The following TBC1D22B variants were observed in gnomAD, a reference collection of about 807,000 sequenced individuals.
TBC1D22B encodes chromosome 6 open reading frame 197.
Under a neutral mutation model 69.1 loss-of-function variants are expected in TBC1D22B, and 32 were observed. The ratio of observed to expected loss-of-function variants is 0.46; its 90% CI spans 0.35 to 0.62. The LOEUF (loss-of-function observed/expected upper bound fraction) is 0.62, where lower values mean the gene tolerates loss of function less well. TBC1D22B is among the 20% of genes least tolerant of loss of function. TBC1D22B has a pLI of 0.00. For synonymous variants in TBC1D22B, 206 were observed against 229.8 expected (o/e 0.90, Z 0.94); for missense variants, 462 against 630.9 (o/e 0.73, Z 2.87).
At chr6:37,289,852 G>C (rs1470394018) in intron 7 of TBC1D22B, among the ~76,000 whole-genome samples, 3 of 152,110 alleles carry the variant, frequency 2.0e-5, no homozygotes, top group African/African-American at 4.8e-5. Flanking sequence ...TAGAGTGTTG[G>C]GCCGAATGCA....
At chr6:37,313,323 C>T (rs2113781403) in intron 9 of TBC1D22B, among the ~76,000 whole-genome samples, 1 of 152,194 alleles carries the variant, frequency 6.6e-6, no homozygotes, top group Non-Finnish European at 1.5e-5. Context: ...GACCCCTTCT[C>T]TACAAAAAAT....
intron 8 of TBC1D22B, among the ~76,000 whole-genome samples, chr6:37,298,263 T>C (rs1423653567): frequency 6.6e-6 from 1 of 152,204 alleles, no homozygotes; most frequent in Non-Finnish European, 1.5e-5. Context: ...ATAACTACAG[T>C]TGTTAACCTC....
chr6:37,319,775 G>A (rs1253154386), intron 12 of TBC1D22B, among the ~76,000 whole-genome samples: 1 of 152,248 alleles, frequency 6.6e-6, no homozygotes, highest in Non-Finnish European at 1.5e-5. Flanking sequence ...AAGAAAATGT[G>A]CCTGGGTGTT....
chr6:37,272,091 A>G (rs1470910504), intron 2 of TBC1D22B, among the ~76,000 whole-genome samples: 1 of 151,096 alleles, frequency 6.6e-6, no homozygotes, highest in African/African-American at 2.4e-5. Flanking sequence ...TTCTTTTGAG[A>G]TAGGGTCGCT....
chr6:37,268,137 T>A (rs1766364075), intron 1 of TBC1D22B, among the ~76,000 whole-genome samples: 1 of 152,216 alleles, frequency 6.6e-6, no homozygotes, highest in Admixed American at 6.5e-5. Flanking sequence ...TTTCCCTGAG[T>A]TCTTACATGT....
intron 8 of TBC1D22B, among the ~76,000 whole-genome samples, chr6:37,297,794 C>G (rs895443439): frequency 6.6e-6 from 1 of 152,118 alleles, no homozygotes; most frequent in African/African-American, 2.4e-5. Flanking sequence ...TGGAACCAAC[C>G]CAAATGCCCA....
chr6:37,259,780 G>A (rs775389870), intron 1 of TBC1D22B, among the ~76,000 whole-genome samples: 6 of 152,054 alleles, frequency 3.9e-5, no homozygotes, highest in Admixed American at 6.6e-5. Flanking sequence ...AATCTTTCTA[G>A]GCCTCAATTT....
At chr6:37,283,087 A>G (rs142347156) in intron 5 of TBC1D22B, 135 bp downstream of exon 5, 66 of 686,608 alleles carry the variant, frequency 9.6e-5, no homozygotes, top group South Asian at 8.9e-4. Flanking sequence ...CTATGGGACT[A>G]TAGTCCTATT....
intron 12 of TBC1D22B, among the ~76,000 whole-genome samples, chr6:37,328,850 C>T (rs963972952): frequency 2.6e-5 from 4 of 152,074 alleles, no homozygotes; most frequent in Non-Finnish European, 5.9e-5. Context: ...CCTCAGCCTC[C>T]CAAGTAGCTG....
In TBC1D22B at chr6:37,331,425, T is replaced by G. The variant is rs186429838; in HGVS notation, c.*253T>G. The G allele has an allele frequency of 1.4e-3, 548 of 395,858 alleles. 8 individuals are homozygous for G. The highest frequency in any genetic ancestry group is 2.7e-3 in the Admixed American group (67 of 25,246). 24.5% of individuals were successfully genotyped at this position (395,858 alleles called of 1,614,324 possible). A position where few individuals can be genotyped will look rare whatever the true frequency, so the allele number is the denominator to read the frequency against. ...GAGGACAGAAAAGGTGGTACAGGGT[T>G]GTCTGCCCCTTTAAAAGAAACTGGA... On this transcript the variant is annotated 3_prime_UTR_variant, in exon 13 of 13. Transcript: ENST00000373491.
intron 1 of TBC1D22B, among the ~76,000 whole-genome samples, chr6:37,264,973 T>C (rs193204106): frequency 1.4e-3 from 215 of 152,328 alleles, no homozygotes; most frequent in African/African-American, 4.7e-3. Context: ...ACCTTAATCA[T>C]TGGGCTCTTC....
At chr6:37,312,281 C>T (rs1767937717) in intron 8 of TBC1D22B, among the ~76,000 whole-genome samples, 2 of 152,178 alleles carry the variant, frequency 1.3e-5, no homozygotes, top group Non-Finnish European at 2.9e-5. Flanking sequence ...TGGAACCCCC[C>T]CTTTTTTTTG....
chr6:37,288,718 G>C (rs1767084947), intron 7 of TBC1D22B, among the ~76,000 whole-genome samples: 1 of 150,228 alleles, frequency 6.7e-6, no homozygotes, highest in Non-Finnish European at 1.5e-5. Flanking sequence ...CTCCAGCCTG[G>C]GTGACAGAGC....
chr6:37,282,789 A>G, intron 4 of TBC1D22B, 93 bp from the exon 5 acceptor site: 1 of 1,249,804 alleles, frequency 8.0e-7, no homozygotes, highest in Non-Finnish European at 1.2e-6. Context: ...GTGGTCTTAC[A>G]TGGATGGAAG....
chr6:37,298,639 G>A (rs534730267), intron 8 of TBC1D22B, among the ~76,000 whole-genome samples: 14 of 147,774 alleles, frequency 9.5e-5, no homozygotes, highest in African/African-American at 3.3e-4. Flanking sequence ...TCCGCCTCCC[G>A]GGTTCACGCC....
intron 8 of TBC1D22B, among the ~76,000 whole-genome samples, chr6:37,305,111 G>A (rs1410929674): frequency 2.0e-5 from 3 of 150,896 alleles, no homozygotes; most frequent in Non-Finnish European, 4.4e-5. Flanking sequence ...TTGCTCCTGG[G>A]CTGTTGTGGA....
Position 37,269,911 on chromosome 6 carries a change from A to G in TBC1D22B, c.113+261A>G, listed in dbSNP as rs140546522. Among the ~76,000 whole-genome samples the G allele has an allele frequency of 3.9e-5, 6 of 152,306 alleles. No homozygotes were observed. In the East Asian group the frequency reaches 1.2e-3, roughly 29 times the overall value. ...TATTGGATTCTTTGGTCAAAAGAGA[A>G]TAGTCAAAAGGTCTTTATTGATTAA... On this transcript the variant is annotated intron_variant, in intron 2 of 12. Coordinates refer to ENST00000373491, the MANE Select transcript of TBC1D22B (RefSeq NM_017772.4).
intron 8 of TBC1D22B, among the ~76,000 whole-genome samples, chr6:37,308,933 A>C (rs1341537485): frequency 9.4e-6 from 1 of 106,370 alleles, no homozygotes; most frequent in Non-Finnish European, 1.9e-5. Flanking sequence ...ATATAGTAAG[A>C]TCCTGTCTCT....
intron 7 of TBC1D22B, 151 bp downstream of exon 7, chr6:37,287,223 T>C: frequency 1.8e-6 from 1 of 568,600 alleles, no homozygotes; most frequent in Admixed American, 3.8e-5. Flanking sequence ...TTTCATTTGA[T>C]CTTTGTTACA....
Sources: allele counts gnomAD v4.1 joint callset (sites outside exome capture counted in the v4.1 genomes callset), GRCh38; gene constraint gnomAD v4.1.1; transcripts MANE v1.5; gene names NCBI Gene and HGNC (gene_info 2026-07-23, HGNC 2026-07-21).